Variants in DCAF8L2 observed in about 807,000 individuals in gnomAD.
The protein encoded by DCAF8L2 is DDB1 and CUL4 associated factor 8 like 2.
For synonymous variants in DCAF8L2, 200 were observed against 190.9 expected, an observed-to-expected ratio of 1.05 and a Z score of -0.39; for missense variants, 430 against 490.7, an observed-to-expected ratio of 0.88 and a Z score of 1.17.
At chrX:27,573,333 A>G in the DCAF8L2 span, among the ~76,000 whole-genome samples, 14 of 109,786 alleles carry the variant, frequency 1.3e-4, no homozygotes, top group Admixed American at 4.9e-4. Context: ...GTGACAGGGG[A>G]CAGTTGATGT....
the DCAF8L2 span, among the ~76,000 whole-genome samples, chrX:27,523,586 A>G: frequency 2.2e-4 from 24 of 110,717 alleles, no homozygotes; most frequent in Non-Finnish European, 4.5e-4. Flanking sequence ...TCATAGATAT[A>G]TTTAACATTT....
At chrX:27,657,614 A>G (rs1035691558) in intron 2 of DCAF8L2, among the ~76,000 whole-genome samples, 4 of 112,173 alleles carry the variant, frequency 3.6e-5, no homozygotes, top group Non-Finnish European at 5.6e-5. Context: ...GAGTAAGGAT[A>G]GAGCATAACA....
chrX:27,587,985 A>AAAAAAAAAATATATATATAT, upstream of DCAF8L2, among the ~76,000 whole-genome samples: 5 of 22,369 alleles, frequency 2.2e-4, no homozygotes, highest in African/African-American at 4.9e-4. Flanking sequence ...TAAAAAAAAA[A>AAAAAAAAAATATATATATAT]ATATATATAT....
At chrX:27,610,249 C>G (rs1466333324) in intron 1 of DCAF8L2, among the ~76,000 whole-genome samples, 1 of 110,691 alleles carries the variant, frequency 9.0e-6, no homozygotes, top group African/African-American at 3.3e-5. Context: ...ACCTAAGAAC[C>G]TACACCCATA....
At chrX:27,583,640 G>T in the DCAF8L2 span, among the ~76,000 whole-genome samples, 8 of 111,168 alleles carry the variant, frequency 7.2e-5, no homozygotes, top group African/African-American at 2.6e-4. Flanking sequence ...GTAGGTGAGC[G>T]AGCTTTACTG....
At chrX:27,686,393 A>G (rs1930507859) in intron 3 of DCAF8L2, among the ~76,000 whole-genome samples, 1 of 111,394 alleles carries the variant, frequency 9.0e-6, no homozygotes. Context: ...ACAGAATCCT[A>G]TTTGACTATA....
chrX:27,684,552 A>G (rs1930435142), intron 3 of DCAF8L2, among the ~76,000 whole-genome samples: 1 of 111,598 alleles, frequency 9.0e-6, no homozygotes, highest in South Asian at 3.7e-4. Flanking sequence ...AGCATATACA[A>G]CTTCCCTAAT....
At chrX:27,675,419 A>G (rs1930105657) in intron 2 of DCAF8L2, among the ~76,000 whole-genome samples, 1 of 112,204 alleles carries the variant, frequency 8.9e-6, no homozygotes, top group Non-Finnish European at 1.9e-5. Context: ...GCAAATAATC[A>G]TGAAAACAGA....
the DCAF8L2 span, among the ~76,000 whole-genome samples, chrX:27,547,000 C>T: frequency 8.9e-6 from 1 of 112,217 alleles, no homozygotes; most frequent in Non-Finnish European, 1.9e-5. Flanking sequence ...ATGGGTTTTT[C>T]TTTTCTATCA....
intron 4 of DCAF8L2, among the ~76,000 whole-genome samples, chrX:27,738,898 C>T (rs1921691430): frequency 9.0e-6 from 1 of 111,266 alleles, no homozygotes; most frequent in African/African-American, 3.3e-5. Flanking sequence ...CATATTCTTT[C>T]ACCACCAGAT....
At chrX:27,594,511 C>T (rs1414222866) in intron 1 of DCAF8L2, among the ~76,000 whole-genome samples, 1 of 111,387 alleles carries the variant, frequency 9.0e-6, no homozygotes, top group African/African-American at 3.3e-5. Context: ...TTAGCATATT[C>T]TTCAGTGCAT....
chrX:27,609,068 A>G (rs1927042107), intron 1 of DCAF8L2, among the ~76,000 whole-genome samples: 1 of 111,611 alleles, frequency 9.0e-6, no homozygotes, highest in Non-Finnish European at 1.9e-5. Context: ...GAGACTTAAC[A>G]TGTATTATGC....
chrX:27,531,133 T>C, the DCAF8L2 span, among the ~76,000 whole-genome samples: 1 of 111,973 alleles, frequency 8.9e-6, no homozygotes, highest in Non-Finnish European at 1.9e-5. Flanking sequence ...AATAAAGACA[T>C]ACCCAAGACT....
chrX:27,608,083 C>A (rs1444098315), intron 1 of DCAF8L2, among the ~76,000 whole-genome samples: 1 of 111,142 alleles, frequency 9.0e-6, no homozygotes, highest in Non-Finnish European at 1.9e-5. Flanking sequence ...TTAGAGATAA[C>A]GATTTAATTT....
chrX:27,518,884 G>T, the DCAF8L2 span: 1 of 558,047 alleles, frequency 1.8e-6, no homozygotes, highest in Middle Eastern at 5.2e-4. Flanking sequence ...TCCCTGGAGT[G>T]AAATCAGAAA....
intron 1 of DCAF8L2, among the ~76,000 whole-genome samples, chrX:27,623,725 T>TTAAA (rs1927890070): frequency 9.0e-6 from 1 of 111,465 alleles, no homozygotes; most frequent in African/African-American, 3.3e-5. Flanking sequence ...CACCATTTTT[T>TTAAA]AAAACAGCAA....
At chrX:27,518,442 A>G in the DCAF8L2 span, 1 of 557,255 alleles carries the variant, frequency 1.8e-6, no homozygotes, top group Non-Finnish European at 3.1e-6. Flanking sequence ...CTATTTTGAA[A>G]TGAAAAACAA....
chrX:27,707,498 C>G (rs1223118345), intron 3 of DCAF8L2, among the ~76,000 whole-genome samples: 2 of 111,275 alleles, frequency 1.8e-5, no homozygotes, highest in African/African-American at 6.5e-5. Context: ...ATGGATATGG[C>G]ATTTCTATAT....
At chrX:27,681,328 T>G (rs1052439580) in intron 3 of DCAF8L2, among the ~76,000 whole-genome samples, 6 of 111,270 alleles carry the variant, frequency 5.4e-5, no homozygotes, top group African/African-American at 2.0e-4. Flanking sequence ...AAACAATAAG[T>G]AGAAGTAGAG....
Sources: allele counts gnomAD v4.1 joint callset (sites outside exome capture counted in the v4.1 genomes callset), GRCh38; gene constraint gnomAD v4.1.1; transcripts MANE v1.5; gene names NCBI Gene and HGNC (gene_info 2026-07-23, HGNC 2026-07-21).